Variants in SMURF1 observed in about 807,000 individuals in gnomAD.
The protein encoded by SMURF1 is E3 ubiquitin-protein ligase SMURF1.
A neutral mutation model predicts 98.0 loss-of-function variants in SMURF1; 44 were observed. The ratio of observed to expected loss-of-function variants is 0.45; its 90% CI spans 0.35 to 0.58. The LOEUF (loss-of-function observed/expected upper bound fraction) is 0.58. Among genes scored for constraint, SMURF1 ranks in the 20% least tolerant of loss-of-function variants. The probability of loss-of-function intolerance (pLI) is 0.00; values close to 1 mark genes in which losing one functional copy is unlikely to be tolerated. For synonymous variants in SMURF1, 396 were observed against 374.9 expected (o/e 1.06, Z -0.65); for missense variants, 687 against 938.4 (o/e 0.73, Z 3.50).
chr7:99,135,622 G>A (rs948021142), intron 1 of SMURF1, among the ~76,000 whole-genome samples: 4 of 152,144 alleles, frequency 2.6e-5, no homozygotes, highest in Non-Finnish European at 5.9e-5. Context: ...GGGAATACAC[G>A]ATAATTTACT....
intron 1 of SMURF1, among the ~76,000 whole-genome samples, chr7:99,088,216 C>T (rs1311205941): frequency 1.3e-5 from 2 of 151,758 alleles, no homozygotes; most frequent in African/African-American, 4.8e-5. Flanking sequence ...CGAGATCGTG[C>T]CACTGCACTG....
At chr7:99,112,854 G>T (rs1009315165) in intron 1 of SMURF1, among the ~76,000 whole-genome samples, 1 of 152,094 alleles carries the variant, frequency 6.6e-6, no homozygotes, top group Non-Finnish European at 1.5e-5. Flanking sequence ...TTCTGGGTTT[G>T]AAAAGTACAA....
In SMURF1 at chr7:99,089,870, G is replaced by A. The variant is rs572369736; in HGVS notation, c.56-28033C>T. Among the ~76,000 whole-genome samples the A allele has an allele frequency of 1.1e-4, 16 of 152,170 alleles. No homozygotes were observed. In the South Asian group the frequency reaches 2.3e-3, roughly 22 times the overall value. On this transcript the variant is annotated intron_variant, in intron 1 of 17. Coordinates refer to ENST00000361368, the MANE Select transcript of SMURF1 (RefSeq NM_181349.3). ...AACCCACCTACATGGATCTTTTATC[G>A]TACTACCATTTTCTGCTCACTTAAA...
At chr7:99,142,111 G>C (rs1798132172) in intron 1 of SMURF1, among the ~76,000 whole-genome samples, 1 of 151,872 alleles carries the variant, frequency 6.6e-6, no homozygotes, top group African/African-American at 2.4e-5. Flanking sequence ...CTGGAGCCCG[G>C]GGGGAAACAG....
chr7:99,128,306 T>C (rs969160744), intron 1 of SMURF1, among the ~76,000 whole-genome samples: 4 of 152,212 alleles, frequency 2.6e-5, no homozygotes, highest in Non-Finnish European at 5.9e-5. Context: ...ATTTGGCTGA[T>C]GAGGTTAAGC....
chr7:99,092,106 A>G (rs1420871182), intron 1 of SMURF1, among the ~76,000 whole-genome samples: 1 of 152,190 alleles, frequency 6.6e-6, no homozygotes, highest in African/African-American at 2.4e-5. Flanking sequence ...ATTGCGAGCA[A>G]TGATATAGGT....
chr7:99,070,849 A>G (rs1444013718), intron 1 of SMURF1, among the ~76,000 whole-genome samples: 5 of 152,092 alleles, frequency 3.3e-5, no homozygotes, highest in African/African-American at 1.2e-4. Flanking sequence ...AAGCGCCACA[A>G]TGTGATGTGT....
At chr7:99,066,306 C>G (rs1796191744) in intron 1 of SMURF1, among the ~76,000 whole-genome samples, 1 of 152,160 alleles carries the variant, frequency 6.6e-6, no homozygotes, top group African/African-American at 2.4e-5. Flanking sequence ...GCCACCAATT[C>G]TGGGCCCTGG....
chr7:99,068,083 G>A (rs1343114843), intron 1 of SMURF1, among the ~76,000 whole-genome samples: 2 of 152,140 alleles, frequency 1.3e-5, no homozygotes. Flanking sequence ...CTAGCCTGTG[G>A]CTAGAAACTT....
intron 13 of SMURF1, 143 bp downstream of exon 13, chr7:99,040,235 T>A (rs112767603): frequency 1.4e-6 from 1 of 738,722 alleles, no homozygotes; most frequent in Non-Finnish European, 1.7e-6. Flanking sequence ...AAAAATCCCC[T>A]TTTTTTGTTT....
At chr7:99,087,225 T>C (rs1466289668) in intron 1 of SMURF1, among the ~76,000 whole-genome samples, 1 of 151,792 alleles carries the variant, frequency 6.6e-6, no homozygotes. Flanking sequence ...AAAATTTTAA[T>C]TTTAAAAAAA....
intron 1 of SMURF1, among the ~76,000 whole-genome samples, chr7:99,138,561 G>C (rs73147630): frequency 0.044 from 6,706 of 152,056 alleles, 178 homozygotes; most frequent in Middle Eastern, 0.068. Flanking sequence ...CATTCAGAAA[G>C]GACTTTTGTA....
In SMURF1 at chr7:99,038,487, CAGA is replaced by C. The variant is rs1192675074; in HGVS notation, c.1586_1588del (p.Phe529del). 2 of 1,614,132 alleles carry C rather than the reference CAGA, an allele frequency of 1.2e-6. No homozygotes were observed. The highest frequency in any genetic ancestry group is 1.7e-6 in the Non-Finnish European group (2 of 1,180,052). The stretch of plus-strand genomic sequence containing the variant: ...CCGCCCGAAGGCGTTGTGTTCCACG[CAGA>C]AGGTGTGGTCCAGTACAGGCGTGAT... On this transcript the variant is annotated inframe_deletion, in exon 14 of 18. Transcript: ENST00000361368.
chr7:99,060,512 T>C lies in SMURF1; in HGVS notation c.203+87A>G, dbSNP rs1460695977. On this transcript the variant is annotated intron_variant, in intron 3 of 17. Coordinates refer to ENST00000361368, the MANE Select transcript of SMURF1 (RefSeq NM_181349.3). ...GTTATCAATAAAAAGTCATCCTTTT[T>C]TTTTTTTTCTCTTGGATGTTTCTCG... 1.1e-5 allele frequency: 9 copies of C among 799,638 alleles called. No individual in the cohort carries two copies. The Admixed American group carries it at 2.6e-4, about 23-fold the overall frequency. 49.5% of individuals were successfully genotyped at this position (799,638 alleles called of 1,614,324 possible). A position where few individuals can be genotyped will look rare whatever the true frequency, so the allele number is the denominator to read the frequency against.
intron 3 of SMURF1, 45 bp from the exon 4 acceptor site, chr7:99,057,596 TTTTG>T: frequency 7.0e-7 from 1 of 1,428,524 alleles, no homozygotes; most frequent in Non-Finnish European, 9.0e-7. Context: ...GTTTGGTTTT[TTTTG>T]TTTTGTTTTT....
At chr7:99,070,139 G>C (rs147052093) in intron 1 of SMURF1, among the ~76,000 whole-genome samples, 1 of 152,320 alleles carries the variant, frequency 6.6e-6, no homozygotes, top group East Asian at 1.9e-4. Flanking sequence ...AAGTGTGACA[G>C]AATTCAGATC....
chr7:99,086,873 TAAAG>T (rs1000367648), intron 1 of SMURF1, among the ~76,000 whole-genome samples: 1 of 152,130 alleles, frequency 6.6e-6, no homozygotes, highest in Non-Finnish European at 1.5e-5. Context: ...AATCTATATA[TAAAG>T]AAAGTAGATT....
chr7:99,119,317 T>C (rs569603105), intron 1 of SMURF1, among the ~76,000 whole-genome samples: 37 of 152,306 alleles, frequency 2.4e-4, no homozygotes, highest in African/African-American at 8.7e-4. Context: ...ATAAGCCATC[T>C]TGTACAGTTT....
chr7:99,030,593 A>C lies in SMURF1; in HGVS notation c.2187T>G (p.Ala729=), dbSNP rs147346988. Residue 729 remains alanine (A), a synonymous_variant, in exon 18 of 18, where the codon GCT becomes GCG. Transcript: ENST00000361368. ...LTAVEETCGF[A]VE ...TGCCTTTGGTTGCTTTTCACTCCAC[A>C]GCAAACCCGCAGGTCTCCTCCACGG... The C allele has an allele frequency of 4.6e-5, 74 of 1,614,026 alleles. No individual in the cohort carries two copies. The highest frequency in any genetic ancestry group is 6.2e-5 in the Non-Finnish European group (73 of 1,180,012).
Sources: allele counts gnomAD v4.1 joint callset (sites outside exome capture counted in the v4.1 genomes callset), GRCh38; gene constraint gnomAD v4.1.1; transcripts MANE v1.5; gene names NCBI Gene and HGNC (gene_info 2026-07-23, HGNC 2026-07-21).